PPM1L: variants seen among roughly 807,000 people sequenced by gnomAD.
The protein encoded by PPM1L is protein phosphatase, Mg2+/Mn2+ dependent 1L, also known as protein phosphatase 1L.
In PPM1L, 13 loss-of-function variants were observed where a neutral mutation model predicts 31.4. That is an observed-to-expected ratio of 0.41 (90% CI 0.27 to 0.66). PPM1L has a LOEUF of 0.66. Among genes scored for constraint, PPM1L ranks in the 30% least tolerant of loss-of-function variants. PPM1L has a pLI of 0.29. For missense variants in PPM1L, 326 were observed against 453.7 expected, an observed-to-expected ratio of 0.72 and a Z score of 2.56; for synonymous variants, 184 against 175.4, an observed-to-expected ratio of 1.05 and a Z score of -0.39.
chr3:160,841,171 C>CTT (rs958449433), intron 1 of PPM1L, among the ~76,000 whole-genome samples: 1 of 145,980 alleles, frequency 6.9e-6, no homozygotes, highest in Non-Finnish European at 1.5e-5. Context: ...GAGTCCAAGA[C>CTT]TTTTTTTTTT....
At chr3:160,991,094 GA>G (rs1036927172) in intron 2 of PPM1L, among the ~76,000 whole-genome samples, 12 of 140,730 alleles carry the variant, frequency 8.5e-5, no homozygotes, top group South Asian at 2.3e-4. Context: ...AAAAAAAAAA[GA>G]AAAAAATCAC....
intron 2 of PPM1L, among the ~76,000 whole-genome samples, chr3:160,975,260 C>G (rs868505366): frequency 0.03 from 4,486 of 151,682 alleles, 176 homozygotes; most frequent in African/African-American, 0.086. Flanking sequence ...GTACCATGCT[C>G]TTTTGGTTAC....
intron 1 of PPM1L, among the ~76,000 whole-genome samples, chr3:160,814,061 G>A (rs1018781657): frequency 2.6e-5 from 4 of 152,078 alleles, no homozygotes; most frequent in African/African-American, 7.2e-5. Context: ...TGCAACTGAC[G>A]GGATATATTA....
At chr3:161,057,513 C>T (rs1271832146) in intron 2 of PPM1L, among the ~76,000 whole-genome samples, 2 of 152,024 alleles carry the variant, frequency 1.3e-5, no homozygotes, top group South Asian at 2.1e-4. Context: ...TAATCTTGGG[C>T]GTTAATTTAA....
At chr3:161,061,021 G>A (rs932184067) in intron 2 of PPM1L, among the ~76,000 whole-genome samples, 15 of 152,028 alleles carry the variant, frequency 9.9e-5, no homozygotes, top group Admixed American at 4.6e-4. Flanking sequence ...TGGGCATAAT[G>A]TCTTTTCTGG....
chr3:160,878,065 G>T (rs998386185), intron 1 of PPM1L, among the ~76,000 whole-genome samples: 1 of 152,124 alleles, frequency 6.6e-6, no homozygotes, highest in Non-Finnish European at 1.5e-5. Flanking sequence ...CCTTATCGAG[G>T]ACTTCCTTAA....
rs1719905957 is a variant in PPM1L, at chr3:161,071,180, G to A, written c.*2023G>A. 1 of 152,198 alleles carries A rather than the reference G, an allele frequency of 6.6e-6. No individual in the cohort carries two copies. The highest frequency in any genetic ancestry group is 6.5e-5 in the Admixed American group (1 of 15,272). The allele number at this position is 152,198 out of a possible 1,614,324, so 9.4% of individuals were successfully genotyped here. On this transcript the variant is annotated 3_prime_UTR_variant, in exon 4 of 4. Coordinates refer to ENST00000498165, the MANE Select transcript of PPM1L (RefSeq NM_139245.4). ...CCAGGCCAGGCGGCTGAGTTTGCTT[G>A]GAAATTCAGGACATTCTGACTCCTA...
At chr3:160,805,850 T>TA (rs758162654) in intron 1 of PPM1L, among the ~76,000 whole-genome samples, 62 of 152,344 alleles carry the variant, frequency 4.1e-4, no homozygotes, top group Middle Eastern at 6.8e-3. Flanking sequence ...CCTGCAGACT[T>TA]ATTTGTTCTG....
chr3:160,838,547 C>A (rs910844556), intron 1 of PPM1L, among the ~76,000 whole-genome samples: 1 of 151,046 alleles, frequency 6.6e-6, no homozygotes, highest in Non-Finnish European at 1.5e-5. Context: ...AGCTGGAAAT[C>A]TGGATTTTTG....
intron 1 of PPM1L, among the ~76,000 whole-genome samples, chr3:160,904,449 A>G (rs748054708): frequency 1.3e-5 from 2 of 152,154 alleles, no homozygotes; most frequent in Non-Finnish European, 2.9e-5. Context: ...CAGAGGGATT[A>G]TGGTTGGTTT....
At chr3:160,876,593 A>T (rs767290010) in intron 1 of PPM1L, among the ~76,000 whole-genome samples, 1 of 152,216 alleles carries the variant, frequency 6.6e-6, no homozygotes, top group Non-Finnish European at 1.5e-5. Flanking sequence ...ACACTGTGCT[A>T]TTACTATGTG....
intron 1 of PPM1L, among the ~76,000 whole-genome samples, chr3:160,793,860 G>A (rs1712170567): frequency 6.6e-6 from 1 of 152,166 alleles, no homozygotes; most frequent in African/African-American, 2.4e-5. Context: ...ATTAAAACTT[G>A]CTCAGTTCTG....
chr3:160,994,128 G>T (rs989334313), intron 2 of PPM1L, among the ~76,000 whole-genome samples: 14 of 152,058 alleles, frequency 9.2e-5, no homozygotes, highest in Non-Finnish European at 1.9e-4. Flanking sequence ...TATACTTGAT[G>T]AATTATTAAT....
chr3:160,807,987 T>C (rs1047567325), intron 1 of PPM1L, among the ~76,000 whole-genome samples: 2 of 152,356 alleles, frequency 1.3e-5, no homozygotes. Context: ...GAGAGTGTTA[T>C]GACGAGGATT....
chr3:161,011,361 G>T (rs899522660), intron 2 of PPM1L, among the ~76,000 whole-genome samples: 2 of 152,164 alleles, frequency 1.3e-5, no homozygotes, highest in African/African-American at 4.8e-5. Flanking sequence ...GCTCTATTCT[G>T]TTCCATTGGT....
intron 2 of PPM1L, among the ~76,000 whole-genome samples, chr3:161,042,791 C>T (rs915900277): frequency 5.9e-5 from 9 of 151,992 alleles, no homozygotes; most frequent in African/African-American, 1.9e-4. Context: ...GAGGCTGAGG[C>T]GGGTGAATCA....
At chr3:160,892,513 T>A (rs1713190416) in intron 1 of PPM1L, among the ~76,000 whole-genome samples, 1 of 152,116 alleles carries the variant, frequency 6.6e-6, no homozygotes, top group Non-Finnish European at 1.5e-5. Context: ...ATCCAAACCA[T>A]GTCAGTGAAT....
chr3:160,908,716 A>C (rs1033691474), intron 1 of PPM1L, among the ~76,000 whole-genome samples: 1 of 152,200 alleles, frequency 6.6e-6, no homozygotes. Context: ...ACCACCAAGT[A>C]GGGTATTTAA....
intron 1 of PPM1L, among the ~76,000 whole-genome samples, chr3:160,804,606 A>G (rs1291825735): frequency 3.3e-5 from 5 of 152,188 alleles, no homozygotes; most frequent in Admixed American, 1.3e-4. Context: ...TGTATTCCTT[A>G]CCATTGCTCA....
Sources: allele counts gnomAD v4.1 joint callset (sites outside exome capture counted in the v4.1 genomes callset), GRCh38; gene constraint gnomAD v4.1.1; transcripts MANE v1.5; gene names NCBI Gene and HGNC (gene_info 2026-07-23, HGNC 2026-07-21).